The following CASK variants were observed in gnomAD, a reference collection of about 807,000 sequenced individuals.
The protein encoded by CASK is calcium/calmodulin dependent serine protein kinase, also known as peripheral plasma membrane protein CASK.
CASK carries 4 observed loss-of-function variants against 82.9 expected under a neutral mutation model. The observed-to-expected ratio is 0.05, with a 90% CI of 0.02 to 0.11. The LOEUF (loss-of-function observed/expected upper bound fraction) is 0.11, where lower values mean the gene tolerates loss of function less well. CASK is among the 10% of genes least tolerant of loss of function. The probability of loss-of-function intolerance (pLI) is 1.00; values close to 1 mark genes in which losing one functional copy is unlikely to be tolerated. For synonymous variants in CASK, 259 were observed against 253.5 expected (o/e 1.02, Z -0.20); for missense variants, 358 against 720.9 (o/e 0.50, Z 5.76).
chrX:41,904,434 A>T (rs773448215), intron 1 of CASK, among the ~76,000 whole-genome samples: 1 of 112,181 alleles, frequency 8.9e-6, no homozygotes, highest in Non-Finnish European at 1.9e-5. Flanking sequence ...CCACAGCATA[A>T]TATATGAAAT....
chrX:41,569,621 GA>G (rs770849215), intron 16 of CASK, 46 bp downstream of exon 16: 37 of 912,449 alleles, frequency 4.1e-5, no homozygotes, highest in Non-Finnish European at 4.6e-5. Flanking sequence ...AGGCTACAGG[GA>G]AAAAAAATTA....
intron 3 of CASK, among the ~76,000 whole-genome samples, chrX:41,765,498 G>A (rs1381103223): frequency 1.8e-5 from 2 of 111,413 alleles, no homozygotes; most frequent in East Asian, 5.5e-4. Context: ...CATCATTAGG[G>A]GAATGGTTTA....
chrX:41,615,511 T>C (rs961497373), intron 11 of CASK, among the ~76,000 whole-genome samples: 1 of 111,962 alleles, frequency 8.9e-6, no homozygotes, highest in African/African-American at 3.3e-5. Context: ...TCTGGACTTA[T>C]GAAACCACAA....
At chrX:41,867,008 A>G (rs1318847914) in intron 1 of CASK, among the ~76,000 whole-genome samples, 1 of 112,157 alleles carries the variant, frequency 8.9e-6, no homozygotes, top group East Asian at 2.8e-4. Flanking sequence ...GTCAAAAAGG[A>G]AATCTAACAT....
chrX:41,811,513 A>G (rs1353169744), intron 2 of CASK, among the ~76,000 whole-genome samples: 1 of 112,485 alleles, frequency 8.9e-6, no homozygotes, highest in African/African-American at 3.2e-5. Context: ...AAATGAAGGC[A>G]GAAATAAAGA....
intron 12 of CASK, among the ~76,000 whole-genome samples, chrX:41,594,396 C>T (rs760923275): frequency 1.8e-5 from 2 of 112,191 alleles, no homozygotes; most frequent in African/African-American, 3.2e-5. Context: ...AAAAGAACCA[C>T]GCATTAGACA....
chrX:41,534,978 A>G lies in CASK; in HGVS notation c.2156-5T>C. Reference sequence around the variant, plus strand: ...CAAGATCTAATTGATCAAACACTAAAACGCAAAGATTTAGAAGAAAGGTAA... The same window carrying G: ...CAAGATCTAATTGATCAAACACTAAGACGCAAAGATTTAGAAGAAAGGTAA... On this transcript the variant is annotated splice_polypyrimidine_tract_variant and splice_region_variant and intron_variant, in intron 22 of 26. Transcript: ENST00000378163. The G allele has an allele frequency of 8.8e-7, 1 of 1,131,930 alleles. No homozygotes were observed. Among genetic ancestry groups the G allele is most frequent in the Non-Finnish European group, 1.2e-6 (1 of 826,604 alleles). The allele number at this position is 1,131,930 out of a possible 1,213,427, so 93.3% of individuals were successfully genotyped here.
intron 2 of CASK, among the ~76,000 whole-genome samples, chrX:41,841,210 T>C (rs1426374071): frequency 9.0e-6 from 1 of 111,698 alleles, no homozygotes; most frequent in Non-Finnish European, 1.9e-5. Flanking sequence ...CATGCTGTTG[T>C]TTTTTGTTTT....
chrX:41,597,322 G>A (rs1245763261), intron 12 of CASK, among the ~76,000 whole-genome samples: 7 of 112,342 alleles, frequency 6.2e-5, no homozygotes, highest in Admixed American at 5.7e-4. Context: ...GGCTTGTAGG[G>A]TTGCAAAGAA....
intron 16 of CASK, among the ~76,000 whole-genome samples, chrX:41,569,095 C>T (rs952847142): frequency 2.7e-5 from 3 of 112,200 alleles, no homozygotes; most frequent in African/African-American, 3.2e-5. Context: ...ATTTAATCAT[C>T]GATTTGACAT....
chrX:41,871,173 C>T (rs1300841349), intron 1 of CASK, among the ~76,000 whole-genome samples: 1 of 112,019 alleles, frequency 8.9e-6, no homozygotes, highest in East Asian at 2.8e-4. Context: ...TTCAAGCCAG[C>T]AATGGAGAAT....
chrX:41,542,007 T>A (rs1463260984), intron 22 of CASK, among the ~76,000 whole-genome samples: 1 of 112,376 alleles, frequency 8.9e-6, no homozygotes, highest in Admixed American at 9.5e-5. Context: ...CAACAGATCA[T>A]GCCTTTTTGG....
chrX:41,550,817 G>A (rs1173079066), intron 21 of CASK, among the ~76,000 whole-genome samples: 2 of 110,672 alleles, frequency 1.8e-5, no homozygotes, highest in Non-Finnish European at 3.8e-5. Flanking sequence ...AGGCTGAGGT[G>A]GGTGGATTGC....
intron 3 of CASK, among the ~76,000 whole-genome samples, chrX:41,774,291 C>A (rs2069306624): frequency 9.0e-6 from 1 of 111,296 alleles, no homozygotes. Context: ...TTCTTATACA[C>A]CAATAACAGA....
chrX:41,525,602 C>A (rs1386629535), intron 25 of CASK, among the ~76,000 whole-genome samples: 2 of 111,474 alleles, frequency 1.8e-5, no homozygotes, highest in Non-Finnish European at 3.8e-5. Context: ...GTGTCTTGTT[C>A]AGCTATCTCA....
intron 8 of CASK, among the ~76,000 whole-genome samples, chrX:41,646,111 C>T (rs1308484194): frequency 6.3e-5 from 7 of 111,399 alleles, no homozygotes; most frequent in Non-Finnish European, 9.4e-5. Context: ...GCTTATCTTC[C>T]GGAAACATCA....
intron 1 of CASK, among the ~76,000 whole-genome samples, chrX:41,882,039 A>C (rs1356498693): frequency 9.0e-6 from 1 of 111,373 alleles, no homozygotes; most frequent in Non-Finnish European, 1.9e-5. Context: ...GAATATATAT[A>C]AGATAAAATG....
At chrX:41,856,523 T>C (rs2071373125) in intron 1 of CASK, among the ~76,000 whole-genome samples, 2 of 111,473 alleles carry the variant, frequency 1.8e-5, no homozygotes, top group South Asian at 3.8e-4. Flanking sequence ...TGAAATGTGT[T>C]AGAGAAGCAG....
chrX:41,727,816 C>T, intron 5 of CASK: 3 of 1,193,300 alleles, frequency 2.5e-6, no homozygotes, highest in Non-Finnish European at 3.4e-6. Context: ...TTGCTTCCTT[C>T]CTTATAGTAT....
Sources: allele counts gnomAD v4.1 joint callset (sites outside exome capture counted in the v4.1 genomes callset), GRCh38; gene constraint gnomAD v4.1.1; transcripts MANE v1.5; gene names NCBI Gene and HGNC (gene_info 2026-07-23, HGNC 2026-07-21).